Variants in LSAMP observed in about 807,000 individuals in gnomAD.
LSAMP encodes limbic system-associated membrane protein.
A neutral mutation model predicts 38.6 loss-of-function variants in LSAMP; 7 were observed. The ratio of observed to expected loss-of-function variants is 0.18; its 90% CI spans 0.10 to 0.34. The LOEUF is 0.34. Among genes scored for constraint, LSAMP ranks in the 10% least tolerant of loss-of-function variants. The pLI, the probability that LSAMP is intolerant of heterozygous loss-of-function variation, is 1.00. For missense variants in LSAMP, 313 were observed against 420.0 expected (o/e 0.75, Z 2.23); for synonymous variants, 154 against 166.8 (o/e 0.92, Z 0.59).
chr3:116,436,964 G>C (rs563697300), intron 1 of LSAMP, among the ~76,000 whole-genome samples: 3 of 150,908 alleles, frequency 2.0e-5, no homozygotes, highest in Middle Eastern at 3.5e-3. Flanking sequence ...TCAACAAGTA[G>C]ATAAAGAAAG....
At chr3:115,870,530 G>A (rs935678383) in intron 3 of LSAMP, among the ~76,000 whole-genome samples, 4 of 152,128 alleles carry the variant, frequency 2.6e-5, no homozygotes, top group Admixed American at 1.3e-4. Context: ...TCCTTGAAAA[G>A]GAAGATTCTC....
At chr3:116,050,395 A>AT (rs1941373332) in intron 2 of LSAMP, among the ~76,000 whole-genome samples, 1 of 152,088 alleles carries the variant, frequency 6.6e-6, no homozygotes, top group Non-Finnish European at 1.5e-5. Flanking sequence ...TTAAAAAAAA[A>AT]TTTCTATTAA....
At chr3:116,222,719 CCT>C (rs2046301721) in intron 1 of LSAMP, among the ~76,000 whole-genome samples, 1 of 104,512 alleles carries the variant, frequency 9.6e-6, no homozygotes, top group Non-Finnish European at 1.9e-5. Flanking sequence ...TTCATCCTCT[CCT>C]TTTTTTTTTT....
At chr3:116,022,093 T>G (rs1278570823) in intron 2 of LSAMP, among the ~76,000 whole-genome samples, 1 of 152,298 alleles carries the variant, frequency 6.6e-6, no homozygotes, top group South Asian at 2.1e-4. Context: ...GTATCCCATG[T>G]GCCTCTGGAT....
intron 1 of LSAMP, among the ~76,000 whole-genome samples, chr3:116,140,874 T>G (rs2107514826): frequency 6.6e-6 from 1 of 152,052 alleles, no homozygotes; most frequent in South Asian, 2.1e-4. Context: ...GAAATTCAGG[T>G]TTCTGGAAAA....
At chr3:116,135,152 A>C (rs1709220477) in intron 1 of LSAMP, among the ~76,000 whole-genome samples, 1 of 152,190 alleles carries the variant, frequency 6.6e-6, no homozygotes. Flanking sequence ...AAGATCTCAC[A>C]GCTCATAAAT....
chr3:116,444,381 T>G (rs2049474706), intron 1 of LSAMP, among the ~76,000 whole-genome samples: 1 of 68,660 alleles, frequency 1.5e-5, no homozygotes, highest in African/African-American at 7.2e-5. Context: ...TGTGTGTGTG[T>G]TGGCATGAAA....
At chr3:116,376,945 A>T (rs996308367) in intron 1 of LSAMP, among the ~76,000 whole-genome samples, 1 of 152,096 alleles carries the variant, frequency 6.6e-6, no homozygotes, top group Non-Finnish European at 1.5e-5. Context: ...CTACTAAGAC[A>T]ATTTCAATTA....
At chr3:116,136,576 C>A (rs1709252162) in intron 1 of LSAMP, among the ~76,000 whole-genome samples, 1 of 152,180 alleles carries the variant, frequency 6.6e-6, no homozygotes, top group African/African-American at 2.4e-5. Context: ...TAAACATCTG[C>A]CCTCCCAGTT....
chr3:116,440,698 T>G (rs982299955), intron 1 of LSAMP, among the ~76,000 whole-genome samples: 1 of 152,238 alleles, frequency 6.6e-6, no homozygotes, highest in Non-Finnish European at 1.5e-5. Flanking sequence ...TAGTATGCTA[T>G]ACTCCATCAT....
intron 2 of LSAMP, among the ~76,000 whole-genome samples, chr3:116,054,783 G>A (rs933484765): frequency 6.6e-6 from 1 of 152,096 alleles, no homozygotes; most frequent in Admixed American, 6.6e-5. Context: ...TAGCAACACG[G>A]TCTGACATTT....
chr3:116,011,896 T>G (rs963453415), intron 3 of LSAMP, among the ~76,000 whole-genome samples: 1 of 152,252 alleles, frequency 6.6e-6, no homozygotes, highest in African/African-American at 2.4e-5. Flanking sequence ...CATATCTTGA[T>G]TCATGAGACC....
intron 3 of LSAMP, among the ~76,000 whole-genome samples, chr3:115,938,044 C>G (rs1434024166): frequency 2.0e-5 from 3 of 152,152 alleles, no homozygotes; most frequent in African/African-American, 7.2e-5. Context: ...TTAAAAAGTA[C>G]TCTTGTATTG....
At position 116,432,538 on chromosome 3, in the gene LSAMP, T is replaced by C. The variant is rs1419951413; in HGVS notation, c.155+12339A>G. Reference sequence around the variant, plus strand: ...ATGTAAACATATTTTTAAAGTTTTCTATATTATGATATTTATAATATAATT... The same window carrying C: ...ATGTAAACATATTTTTAAAGTTTTCCATATTATGATATTTATAATATAATT... On this transcript the variant is annotated intron_variant, in intron 1 of 6. Coordinates refer to ENST00000490035, the MANE Select transcript of LSAMP (RefSeq NM_002338.5). Among the ~76,000 whole-genome samples, 5 of 151,810 alleles carry C rather than the reference T, an allele frequency of 3.3e-5. No individual in the cohort carries two copies. The East Asian group carries it at 5.8e-4, about 18-fold the overall frequency.
chr3:116,297,595 T>C (rs904575661), intron 1 of LSAMP, among the ~76,000 whole-genome samples: 4 of 152,188 alleles, frequency 2.6e-5, no homozygotes, highest in African/African-American at 9.7e-5. Context: ...GGGTTGAATA[T>C]ATACCATCCT....
At chr3:116,382,976 G>A (rs920334726) in intron 1 of LSAMP, among the ~76,000 whole-genome samples, 2 of 152,144 alleles carry the variant, frequency 1.3e-5, no homozygotes, top group African/African-American at 4.8e-5. Flanking sequence ...GTCCATAAAT[G>A]TTAATTTCCC....
In LSAMP at chr3:115,803,785, C is replaced by A. The variant is rs1367175571; in HGVS notation, c.*6532G>T. 2.6e-5 allele frequency: 4 copies of A among 152,190 alleles called. No homozygotes were observed. The highest frequency in any genetic ancestry group is 9.6e-5 in the African/African-American group (4 of 41,452). The allele number at this position is 152,190 out of a possible 1,614,324, so 9.4% of individuals were successfully genotyped here. A position where few individuals can be genotyped will look rare whatever the true frequency, so the allele number is the denominator to read the frequency against. ...ACAAAATGTATTGTCTTGCCCATTT[C>A]TTACAGTTCAGCCTTTGAACCTGCC... On this transcript the variant is annotated 3_prime_UTR_variant, in exon 7 of 7. Transcript: ENST00000490035.
chr3:116,211,630 T>A (rs2107606911), intron 1 of LSAMP, among the ~76,000 whole-genome samples: 1 of 152,316 alleles, frequency 6.6e-6, no homozygotes, highest in East Asian at 1.9e-4. Context: ...GGTGGGCAGA[T>A]CCATTACTTA....
chr3:115,931,693 T>C (rs1262481791), intron 3 of LSAMP, among the ~76,000 whole-genome samples: 3 of 152,224 alleles, frequency 2.0e-5, no homozygotes, highest in Non-Finnish European at 2.9e-5. Flanking sequence ...TAGCTATTCT[T>C]TGGAGCACTT....
Sources: allele counts gnomAD v4.1 joint callset (sites outside exome capture counted in the v4.1 genomes callset), GRCh38; gene constraint gnomAD v4.1.1; transcripts MANE v1.5; gene names NCBI Gene and HGNC (gene_info 2026-07-23, HGNC 2026-07-21).